IPO9: variants seen among roughly 807,000 people sequenced by gnomAD.
IPO9 encodes importin-9.
In IPO9, 28 loss-of-function variants were observed where a neutral mutation model predicts 128.6. That is an observed-to-expected ratio of 0.22 (90% CI 0.16 to 0.30). The LOEUF (loss-of-function observed/expected upper bound fraction) is 0.30, where lower values mean the gene tolerates loss of function less well. Ranked by LOEUF, IPO9 falls within the 10% of genes least tolerant of loss-of-function variation. The pLI is 1.00. For synonymous variants in IPO9, 455 were observed against 475.8 expected (o/e 0.96, Z 0.57); for missense variants, 935 against 1,293.9 (o/e 0.72, Z 4.26).
At chr1:201,871,085 G>C in intron 18 of IPO9, 76 bp from the exon 19 acceptor site, 1 of 1,444,340 alleles carries the variant, frequency 6.9e-7, no homozygotes, top group Non-Finnish European at 9.6e-7. Context: ...TTTCTTATCT[G>C]ACTGGCCAGT....
chr1:201,833,290 G>C (rs1679870710), intron 1 of IPO9, among the ~76,000 whole-genome samples: 1 of 151,370 alleles, frequency 6.6e-6, no homozygotes, highest in Admixed American at 6.6e-5. Flanking sequence ...CCAGGCTGGA[G>C]TGCATTGGCA....
rs1323999559 is a variant in IPO9 at position 201,877,342 on chromosome 1, A to G, written c.*1288A>G. On this transcript the variant is annotated 3_prime_UTR_variant, in exon 24 of 24. Transcript: ENST00000361565. ...ACAGTGAAACCTGCATTTCTACTAAAAATACAAAAATTAGCTGGGCATGGT... is the reference window on the plus strand; with the variant it reads ...ACAGTGAAACCTGCATTTCTACTAAGAATACAAAAATTAGCTGGGCATGGT... The G allele has an allele frequency of 6.6e-6, 1 of 152,232 alleles. No homozygotes were observed. The highest frequency in any genetic ancestry group is 1.5e-5 in the Non-Finnish European group (1 of 68,060). The allele number at this position is 152,232 out of a possible 1,614,324, so 9.4% of individuals were successfully genotyped here.
At position 201,866,934 on chromosome 1, in the gene IPO9, C is replaced by T. The variant is rs1476473938; in HGVS notation, c.1830C>T (p.Ile610=). The stretch of plus-strand genomic sequence containing the variant: ...AAAGCAAAATCTGCCCCTTCACCAT[C>T]GCCATTTTCCTAAAGTACAGTAATG... The part of the protein sequence containing the change: ...SMESKICPFT[I]AIFLKYSNDP... The change falls in exon 15 of 24, where the codon ATC becomes ATT. Residue 610 remains isoleucine, a synonymous_variant. Coordinates refer to ENST00000361565, the MANE Select transcript of IPO9 (RefSeq NM_018085.5). 3.7e-6 allele frequency: 6 copies of T among 1,613,908 alleles called. No individual in the cohort carries two copies. The highest frequency in any genetic ancestry group is 1.7e-5 in the Admixed American group (1 of 59,988).
At chr1:201,832,435 T>C (rs1679852702) in intron 1 of IPO9, among the ~76,000 whole-genome samples, 1 of 152,100 alleles carries the variant, frequency 6.6e-6, no homozygotes, top group African/African-American at 2.4e-5. Context: ...ATTTTTGTAT[T>C]TTTAGCAGAG....
chr1:201,854,605 A>G lies in IPO9; in HGVS notation c.701A>G (p.Lys234Arg), dbSNP rs764307681. ...GGTTTCTGTTATCAGGGTGCAGCCAAAGTCCTGATCTTTCCCGTGGTACAG... is the reference window on the plus strand; with the variant it reads ...GGTTTCTGTTATCAGGGTGCAGCCAGAGTCCTGATCTTTCCCGTGGTACAG... ...NMEELEKGAA[K>R]VLIFPVVQQF... The change falls in exon 7 of 24, where the codon AAA becomes AGA. Residue 234 changes from lysine to arginine, a missense_variant. Transcript: ENST00000361565. The G allele has an allele frequency of 5.0e-6, 8 of 1,613,842 alleles. No homozygotes were observed.
At position 201,866,768 on chromosome 1, in the gene IPO9, A is replaced by G; in HGVS notation, c.1664A>G (p.His555Arg). 6.2e-7 allele frequency: 1 copy of G among 1,614,070 alleles called. No individual in the cohort carries two copies. Among genetic ancestry groups the G allele is most frequent in the South Asian group, 1.1e-5 (1 of 91,080 alleles). ...CDQLKVSEST[H>R]VLQPFLPSIL... The stretch of plus-strand genomic sequence containing the variant: ...CAACTGAAAGTCTCAGAGAGTACCC[A>G]CGTGCTCCAGCCCTTCCTCCCCAGC... Residue 555 changes from histidine (H) to arginine (R), a missense_variant, in exon 15 of 24, where the codon CAC becomes CGC. His to Arg is a conservative substitution (Grantham distance 29). This residue lies in a region of IPO9 where 741 missense variants were observed against 1,019.1 expected (regional missense o/e 0.73). Transcript: ENST00000361565.
intron 1 of IPO9, among the ~76,000 whole-genome samples, chr1:201,837,697 C>G (rs6664048): frequency 0.014 from 2,078 of 152,202 alleles, 40 homozygotes; most frequent in African/African-American, 0.045. Context: ...AGTAATGATC[C>G]AAAAATTATG....
chr1:201,865,201 T>C (rs80273860), intron 14 of IPO9, among the ~76,000 whole-genome samples: 1 of 73,986 alleles, frequency 1.4e-5, no homozygotes, highest in Non-Finnish European at 3.5e-5. Context: ...CTATTTTTCT[T>C]TTTTTTTTTT....
Position 201,875,213 on chromosome 1 carries a change from T to A in IPO9, c.3000T>A (p.Tyr1000Ter), listed in dbSNP as rs1392833508. 1 of 1,613,858 alleles carries A rather than the reference T, an allele frequency of 6.2e-7. No homozygotes were observed. The highest frequency in any genetic ancestry group is 1.3e-5 in the African/African-American group (1 of 75,042). The change falls in exon 23 of 24, where the codon TAT becomes TAA. Residue 1000 changes from tyrosine (Y) to a stop codon, truncating the protein, a stop_gained. Transcript: ENST00000361565. LOFTEE classifies it high-confidence loss of function. ...CTGATGCCCTGAAGGATCCTCTCTA[T>A]CAGATTGATCTGCAGGTGAGGGTGT... Reference protein sequence around the residue: ...DDPDALKDPLYQIDLQAYLTD... With the variant: ...DDPDALKDPL
intron 4 of IPO9, among the ~76,000 whole-genome samples, chr1:201,851,171 A>C (rs1571545102): frequency 7.0e-6 from 1 of 142,060 alleles, no homozygotes. Flanking sequence ...ACATGCCACC[A>C]CATGCAGCTT....
intron 13 of IPO9, among the ~76,000 whole-genome samples, chr1:201,859,428 T>C (rs918727261): frequency 3.3e-5 from 5 of 151,956 alleles, no homozygotes; most frequent in Non-Finnish European, 5.9e-5. Flanking sequence ...TCTTCCCAAA[T>C]TGGCGTTCCC....
Position 201,855,777 on chromosome 1 carries a change from C to T in IPO9, c.971-6C>T, listed in dbSNP as rs777957772. 2.3e-5 allele frequency: 37 copies of T among 1,605,776 alleles called. No homozygotes were observed. Among genetic ancestry groups the T allele is most frequent in the Non-Finnish European group, 2.6e-5 (31 of 1,178,288 alleles). On this transcript the variant is annotated splice_polypyrimidine_tract_variant and splice_region_variant and intron_variant, in intron 9 of 23. Transcript: ENST00000361565. ...ATTAATTTCTTCTCTTCTGTATTTCCTGCAGGTGAAGTCCTGGGCTTTGAA... is the reference window on the plus strand; with the variant it reads ...ATTAATTTCTTCTCTTCTGTATTTCTTGCAGGTGAAGTCCTGGGCTTTGAA...
chr1:201,859,558 C>T (rs1347435441), intron 13 of IPO9, among the ~76,000 whole-genome samples: 1 of 152,164 alleles, frequency 6.6e-6, no homozygotes, highest in East Asian at 1.9e-4. Flanking sequence ...GTATCAGGCA[C>T]ATTCTTCCTG....
At chr1:201,842,414 AC>A (rs1365801153) in intron 1 of IPO9, among the ~76,000 whole-genome samples, 1 of 151,946 alleles carries the variant, frequency 6.6e-6, no homozygotes, top group African/African-American at 2.4e-5. Context: ...GATCAACTTA[AC>A]CTTCAGCCCC....
intron 10 of IPO9, 33 bp from the exon 11 acceptor site, chr1:201,857,063 C>A (rs764747668): frequency 8.1e-6 from 10 of 1,232,300 alleles, no homozygotes; most frequent in Non-Finnish European, 1.2e-5. Flanking sequence ...ATCAGATTGG[C>A]AGCATCACAA....
At position 201,830,591 on chromosome 1, in the gene IPO9, G is replaced by A. The variant is rs570195343; in HGVS notation, c.163+1219G>A. 2.6e-5 allele frequency among the ~76,000 whole-genome samples: 4 copies of A among 152,318 alleles called. No homozygotes were observed. The East Asian group carries it at 7.7e-4, about 29-fold the overall frequency. The stretch of plus-strand genomic sequence containing the variant: ...ATACAGGAGAAACCACTGGTTAGGA[G>A]AAAGCTGTTTGAGAACCATGTATAA... On this transcript the variant is annotated intron_variant, in intron 1 of 23. Transcript: ENST00000361565.
At chr1:201,829,465 A>T in intron 1 of IPO9, 93 bp downstream of exon 1, 1 of 1,288,864 alleles carries the variant, frequency 7.8e-7, no homozygotes, top group Non-Finnish European at 1.0e-6. Flanking sequence ...AGCCTGAGCC[A>T]GTTGGAGATG....
At chr1:201,855,620 G>A (rs536598959) in intron 9 of IPO9, among the ~76,000 whole-genome samples, 163 bp from the exon 10 acceptor site, 51 of 152,198 alleles carry the variant, frequency 3.4e-4, no homozygotes, top group African/African-American at 1.2e-3. Flanking sequence ...TCAAAATTAC[G>A]TTTTGTGACC....
At position 201,854,809 on chromosome 1, in the gene IPO9, TCTTAA is replaced by T; in HGVS notation, c.811-10_811-6del. 1 of 1,603,118 alleles carries T rather than the reference TCTTAA, an allele frequency of 6.2e-7. No homozygotes were observed. The highest frequency in any genetic ancestry group is 8.5e-7 in the Non-Finnish European group (1 of 1,176,230). ...ATCACTCATAACTTGGGTCCTTTTC[TCTTAA>T]CTTCTTAGGCAGTGACAGCCCTAGT... On this transcript the variant is annotated splice_polypyrimidine_tract_variant and intron_variant, in intron 7 of 23. Transcript: ENST00000361565.
Sources: gnomAD v4.1 joint callset for allele counts (sites outside exome capture counted in the v4.1 genomes callset) on GRCh38, gnomAD v4.1.1 for gene constraint, gnomAD v4.1.1 regional missense constraint, MANE v1.5 for transcripts, NCBI Gene and HGNC (gene_info 2026-07-23, HGNC 2026-07-21) for gene names.